The following TGFBRAP1 variants were observed in gnomAD, a reference collection of about 807,000 sequenced individuals.
The protein encoded by TGFBRAP1 is transforming growth factor-beta receptor-associated protein 1.
A neutral mutation model predicts 83.2 loss-of-function variants in TGFBRAP1; 20 were observed. The ratio of observed to expected loss-of-function variants is 0.24; its 90% CI spans 0.17 to 0.35. The LOEUF is 0.35. TGFBRAP1 is among the 10% of genes least tolerant of loss of function. The probability of loss-of-function intolerance (pLI) is 1.00; values close to 1 mark genes in which losing one functional copy is unlikely to be tolerated. For missense variants in TGFBRAP1, 950 were observed against 1,099.4 expected (o/e 0.86, Z 1.92); for synonymous variants, 415 against 459.8 (o/e 0.90, Z 1.25).
chr2:105,269,293 G>A lies in TGFBRAP1; in HGVS notation c.2385C>T (p.Asn795=). Reference sequence around the variant, plus strand: ...TTACCTTATCGTAGGTGTAGATTAAGTTTTCGGACCTGGCCAGGCCGAGAG... The same window carrying A: ...TTACCTTATCGTAGGTGTAGATTAAATTTTCGGACCTGGCCAGGCCGAGAG... ...QVALGLARSE[N]LIYTYDKMKL... is the part of the protein sequence containing the mutation. Residue 795 remains asparagine (N), a synonymous_variant, in exon 11 of 12, where the codon AAC becomes AAT. Coordinates refer to ENST00000393359, the MANE Select transcript of TGFBRAP1 (RefSeq NM_004257.6). The surrounding 1 kb of genome is among the most constrained non-coding windows in gnomAD (Gnocchi z 4.1). 6.2e-7 allele frequency: 1 copy of A among 1,610,006 alleles called. No homozygotes were observed. Among genetic ancestry groups the A allele is most frequent in the Non-Finnish European group, 8.5e-7 (1 of 1,176,980 alleles).
intron 4 of TGFBRAP1, among the ~76,000 whole-genome samples, chr2:105,288,488 G>A (rs1677791715): frequency 6.6e-6 from 1 of 152,124 alleles, no homozygotes; most frequent in East Asian, 1.9e-4. Context: ...TTGCCAGCCA[G>A]CTACCAAAGC....
intron 1 of TGFBRAP1, among the ~76,000 whole-genome samples, chr2:105,310,256 A>G (rs1355788784): frequency 6.6e-6 from 1 of 152,156 alleles, no homozygotes; most frequent in Non-Finnish European, 1.5e-5. Context: ...CTCATCATAA[A>G]TACTATGATT....
At chr2:105,301,723 T>C (rs1464129753) in intron 2 of TGFBRAP1, among the ~76,000 whole-genome samples, 3 of 152,222 alleles carry the variant, frequency 2.0e-5, no homozygotes, top group Non-Finnish European at 4.4e-5. Flanking sequence ...CATTTGATTA[T>C]ACAGAATTTT....
At chr2:105,268,652 C>T (rs1163218979) in intron 11 of TGFBRAP1, among the ~76,000 whole-genome samples, 1 of 152,120 alleles carries the variant, frequency 6.6e-6, no homozygotes, top group Non-Finnish European at 1.5e-5. Context: ...TCTTCCAGGA[C>T]AGGGAGCGTC....
rs1677512107 is a variant in TGFBRAP1, at chr2:105,280,786, A to C, written c.1122-63T>G. 1.6e-5 allele frequency: 25 copies of C among 1,516,236 alleles called. No individual in the cohort carries two copies. The South Asian group carries it at 3.0e-4, about 18-fold the overall frequency. 93.9% of individuals were successfully genotyped at this position (1,516,236 alleles called of 1,614,324 possible). ...GAGAAGAGTACACATAGGCACACAA[A>C]ACAGCACTGGAGGGGAGCGCACGGT... On this transcript the variant is annotated intron_variant, in intron 5 of 11. Transcript: ENST00000393359.
intron 4 of TGFBRAP1, among the ~76,000 whole-genome samples, chr2:105,285,330 A>G (rs989934160): frequency 2.0e-5 from 3 of 152,198 alleles, no homozygotes; most frequent in African/African-American, 7.2e-5. Flanking sequence ...TGTGTCTGCC[A>G]TTCAGTCGGT....
chr2:105,250,958 C>A, the TGFBRAP1 span, among the ~76,000 whole-genome samples: 6 of 152,226 alleles, frequency 3.9e-5, no homozygotes, highest in African/African-American at 1.2e-4. Context: ...ACTCAGTGCT[C>A]AATGGTGCCC....
rs1430857471 is a variant in TGFBRAP1 at position 105,308,219 on chromosome 2, T to A, written c.83A>T (p.Glu28Val). Residue 28 changes from glutamate to valine, a missense_variant, in exon 2 of 12, where the codon GAG (glutamate) becomes GTG (valine). Transcript: ENST00000393359. Reference protein sequence around the residue: ...LMGDKERVNIECVECCGRDLY... With the variant: ...LMGDKERVNIVCVECCGRDLY... ...GTCCCTGCCGCAGCACTCCACGCACTCTATGTTGACGCGCTCCTTGTCGCC... is the reference window on the plus strand; with the variant it reads ...GTCCCTGCCGCAGCACTCCACGCACACTATGTTGACGCGCTCCTTGTCGCC... 6.2e-7 allele frequency: 1 copy of A among 1,614,084 alleles called. No homozygotes were observed. Among genetic ancestry groups the A allele is most frequent in the Non-Finnish European group, 8.5e-7 (1 of 1,180,050 alleles).
At chr2:105,312,467 C>G (rs17689435) in intron 1 of TGFBRAP1, among the ~76,000 whole-genome samples, 4,693 of 152,212 alleles carry the variant, frequency 0.031, 96 homozygotes, top group Middle Eastern at 0.075. Context: ...TTTAATTAAG[C>G]TAACCTTGCA....
At chr2:105,275,731 AAAAAG>A (rs748818830) in intron 7 of TGFBRAP1, 28 bp from the exon 8 acceptor site, 134 of 1,587,318 alleles carry the variant, frequency 8.4e-5, no homozygotes, top group Admixed American at 1.9e-5. Flanking sequence ...AGAAAAAAAG[AAAAAG>A]AAAAGAAAAA....
chr2:105,302,844 T>G (rs1483310464), intron 2 of TGFBRAP1, among the ~76,000 whole-genome samples: 1 of 152,224 alleles, frequency 6.6e-6, no homozygotes, highest in African/African-American at 2.4e-5. Flanking sequence ...GTTGATGGCA[T>G]AACCACACAG....
chr2:105,301,088 G>A (rs1678274173), intron 2 of TGFBRAP1, among the ~76,000 whole-genome samples: 1 of 152,012 alleles, frequency 6.6e-6, no homozygotes, highest in East Asian at 1.9e-4. Flanking sequence ...GCCAGCCTTG[G>A]TGGCGGGTAC....
At chr2:105,267,599 T>G in intron 11 of TGFBRAP1, 40 bp from the exon 12 acceptor site, 2 of 1,610,490 alleles carry the variant, frequency 1.2e-6, no homozygotes, top group Non-Finnish European at 1.7e-6. Flanking sequence ...TGTCATGTGT[T>G]AAGTATATTT....
At chr2:105,306,655 A>G (rs1196924452) in intron 2 of TGFBRAP1, among the ~76,000 whole-genome samples, 1 of 152,030 alleles carries the variant, frequency 6.6e-6, no homozygotes, top group African/African-American at 2.4e-5. Flanking sequence ...AAAATTAGCC[A>G]GGCATGGTGG....
At chr2:105,322,419 T>G (rs949819956) in intron 1 of TGFBRAP1, among the ~76,000 whole-genome samples, 1 of 152,216 alleles carries the variant, frequency 6.6e-6, no homozygotes, top group Non-Finnish European at 1.5e-5. Context: ...ACAGTAATGT[T>G]TTAGGCCTTC....
chr2:105,292,627 C>A (rs116107745), intron 4 of TGFBRAP1, among the ~76,000 whole-genome samples: 1,856 of 143,610 alleles, frequency 0.013, 43 homozygotes, highest in African/African-American at 0.041. Flanking sequence ...AAGAACGAGG[C>A]GGGTAGAAAG....
chr2:105,275,644 T>G lies in TGFBRAP1; in HGVS notation c.1581A>C (p.Glu527Asp), dbSNP rs1270445579. ...VQDSTRSDLY[E>D]YIVDFLTYCL... Reference sequence around the variant, plus strand: ...AGTAGGTAAGAAAATCCACGATGTATTCATACAGGTCTGAGCGTGTGGAGT... The same window carrying G: ...AGTAGGTAAGAAAATCCACGATGTAGTCATACAGGTCTGAGCGTGTGGAGT... The change falls in exon 8 of 12, where the codon GAA (glutamate) becomes GAC (aspartate). Residue 527 changes from glutamate (E) to aspartate (D), a missense_variant. Transcript: ENST00000393359. 1 of 1,614,038 alleles carries G rather than the reference T, an allele frequency of 6.2e-7. No individual in the cohort carries two copies. Among genetic ancestry groups the G allele is most frequent in the African/African-American group, 1.3e-5 (1 of 74,894 alleles).
chr2:105,312,570 A>G (rs1678728521), intron 1 of TGFBRAP1, among the ~76,000 whole-genome samples: 1 of 152,210 alleles, frequency 6.6e-6, no homozygotes, highest in South Asian at 2.1e-4. Context: ...TTAAGGAAAT[A>G]GGACTAGAAA....
At chr2:105,300,308 C>T (rs758994866) in intron 2 of TGFBRAP1, among the ~76,000 whole-genome samples, 10 of 152,070 alleles carry the variant, frequency 6.6e-5, no homozygotes, top group Non-Finnish European at 8.8e-5. Context: ...CAGAACAAAA[C>T]TTAAGAAGGT....
Sources: allele counts gnomAD v4.1 joint callset (sites outside exome capture counted in the v4.1 genomes callset), GRCh38; gene constraint gnomAD v4.1.1; non-coding constraint Gnocchi (gnomAD v3.1); transcripts MANE v1.5; gene names NCBI Gene and HGNC (gene_info 2026-07-23, HGNC 2026-07-21).